Variants in CTNNA1 observed in about 807,000 individuals in gnomAD.
CTNNA1 encodes catenin alpha 1.
A neutral mutation model predicts 98.4 loss-of-function variants in CTNNA1; 37 were observed. The ratio of observed to expected loss-of-function variants is 0.38; its 90% CI spans 0.29 to 0.49. The LOEUF (loss-of-function observed/expected upper bound fraction) is 0.49, where lower values mean the gene tolerates loss of function less well. CTNNA1 is among the 20% of genes least tolerant of loss of function. The probability of loss-of-function intolerance (pLI) is 0.95; values close to 1 mark genes in which losing one functional copy is unlikely to be tolerated. For synonymous variants in CTNNA1, 404 were observed against 413.2 expected (o/e 0.98, Z 0.27); for missense variants, 761 against 1,147.2 (o/e 0.66, Z 4.86).
At chr5:138,839,506 T>G (rs962858333) in intron 7 of CTNNA1, among the ~76,000 whole-genome samples, 1 of 152,192 alleles carries the variant, frequency 6.6e-6, no homozygotes, top group African/African-American at 2.4e-5. Flanking sequence ...TGGCCTGTAT[T>G]CTGTTATTGT....
At chr5:138,832,675 T>A (rs930574475) in intron 7 of CTNNA1, among the ~76,000 whole-genome samples, 2 of 152,222 alleles carry the variant, frequency 1.3e-5, no homozygotes, top group Non-Finnish European at 2.9e-5. Context: ...GTTTTTTTCT[T>A]TTCTTCTTCT....
intron 3 of CTNNA1, among the ~76,000 whole-genome samples, chr5:138,809,610 T>G (rs1561546721): frequency 6.6e-6 from 1 of 152,224 alleles, no homozygotes; most frequent in Non-Finnish European, 1.5e-5. Context: ...GGATGATTAA[T>G]GAAGTGTGGT....
chr5:138,874,526 G>T lies in CTNNA1; in HGVS notation c.1063-11686G>T. 6.3e-7 allele frequency: 1 copy of T among 1,586,728 alleles called. No individual in the cohort carries two copies. Among genetic ancestry groups the T allele is most frequent in the Non-Finnish European group, 8.6e-7 (1 of 1,163,548 alleles). On this transcript the variant is annotated intron_variant, in intron 7 of 17. Transcript: ENST00000302763. The surrounding 1 kb of genome is among the most constrained non-coding windows in gnomAD (Gnocchi z 4.1). The stretch of plus-strand genomic sequence containing the variant: ...CATTGCATATATTGCTGCCAGCATA[G>T]GGGCCCCTAATGGCCACTTGAAATG...
At chr5:138,889,353 A>G (rs551309574) in intron 9 of CTNNA1, among the ~76,000 whole-genome samples, 26 of 152,284 alleles carry the variant, frequency 1.7e-4, no homozygotes. Flanking sequence ...CCTACTGTGT[A>G]TCAGCTATGT....
intron 1 of CTNNA1, among the ~76,000 whole-genome samples, chr5:138,775,550 G>T (rs1051677502): frequency 2.6e-5 from 4 of 152,010 alleles, no homozygotes; most frequent in Non-Finnish European, 1.5e-5. Context: ...ACAGTATAAT[G>T]ATGAAAATTC....
At chr5:138,872,846 T>C (rs1200551378) in intron 7 of CTNNA1, 2 of 515,548 alleles carry the variant, frequency 3.9e-6, no homozygotes, top group Non-Finnish European at 6.7e-6. Flanking sequence ...AAATATGGTT[T>C]CATTTAAAAA....
At chr5:138,771,741 A>G (rs1228229335) in intron 1 of CTNNA1, among the ~76,000 whole-genome samples, 2 of 152,186 alleles carry the variant, frequency 1.3e-5, no homozygotes, top group Non-Finnish European at 2.9e-5. Flanking sequence ...GAGGTTCCAA[A>G]GGCTGTGTTA....
rs1230839022 is a variant in CTNNA1 at position 138,811,020 on chromosome 5, A to T, written c.468+816A>T. Among the ~76,000 whole-genome samples the T allele has an allele frequency of 1.5e-3, 210 of 139,012 alleles. 1 individual carries two copies. Among genetic ancestry groups the T allele is most frequent in the African/African-American group, 5.4e-3 (194 of 36,174 alleles). The allele number at this position is 139,012 out of a possible 152,430, so 91.2% of individuals were successfully genotyped here. A position where few individuals can be genotyped will look rare whatever the true frequency, so the allele number is the denominator to read the frequency against. On this transcript the variant is annotated intron_variant, in intron 4 of 17. Coordinates refer to ENST00000302763, the MANE Select transcript of CTNNA1 (RefSeq NM_001903.5). Reference sequence around the variant, plus strand: ...GGGGCGGCTGGCCTGGCGGGGGCTGACCCCCACCTCCCTCCCGGACGGGGT... The same window carrying T: ...GGGGCGGCTGGCCTGGCGGGGGCTGTCCCCCACCTCCCTCCCGGACGGGGT...
chr5:138,824,259 AG>A (rs1186177189), intron 5 of CTNNA1, among the ~76,000 whole-genome samples: 1 of 152,120 alleles, frequency 6.6e-6, no homozygotes, highest in Non-Finnish European at 1.5e-5. Context: ...CTTAGCCCTG[AG>A]GGTTTAAAAT....
intron 9 of CTNNA1, among the ~76,000 whole-genome samples, chr5:138,893,466 A>C (rs1422916470): frequency 6.6e-6 from 1 of 151,894 alleles, no homozygotes; most frequent in African/African-American, 2.4e-5. Flanking sequence ...GTTCTGTCCT[A>C]TCAGGATTCC....
chr5:138,837,568 TTCTCCTC>T (rs1204227719), intron 7 of CTNNA1, among the ~76,000 whole-genome samples: 4 of 134,786 alleles, frequency 3.0e-5, no homozygotes, highest in Non-Finnish European at 4.8e-5. Flanking sequence ...TTCTCTTCTC[TTCTCCTC>T]TCTCCTCTCT....
At chr5:138,797,771 C>G (rs182833086) in intron 3 of CTNNA1, among the ~76,000 whole-genome samples, 30 of 151,890 alleles carry the variant, frequency 2.0e-4, no homozygotes, top group Admixed American at 1.8e-3. Flanking sequence ...GGATGTGACA[C>G]TGTAAATGGG....
intron 7 of CTNNA1, among the ~76,000 whole-genome samples, chr5:138,851,054 T>C (rs1561592249): frequency 6.6e-6 from 1 of 152,210 alleles, no homozygotes; most frequent in Non-Finnish European, 1.5e-5. Flanking sequence ...ATTTATTGCC[T>C]TGTGCCAGCT....
intron 5 of CTNNA1, among the ~76,000 whole-genome samples, chr5:138,815,723 G>T (rs1442671938): frequency 6.6e-6 from 1 of 151,504 alleles, no homozygotes; most frequent in Non-Finnish European, 1.5e-5. Flanking sequence ...ATACGTATTC[G>T]CATTTTCTTG....
chr5:138,933,882 C>T lies in CTNNA1; in HGVS notation c.2514C>T (p.Val838=), dbSNP rs371058611. Residue 838 remains valine (V), a synonymous_variant, in exon 18 of 18, where the codon GTC becomes GTT. Transcript: ENST00000302763. The part of the protein sequence containing the change: ...AVVQTVKASY[V]ASTKYQKSQG... Reference sequence around the variant, plus strand: ...TGCAGACAGTGAAGGCATCCTACGTCGCCTCTACCAAATACCAAAAGTCAC... The same window carrying T: ...TGCAGACAGTGAAGGCATCCTACGTTGCCTCTACCAAATACCAAAAGTCAC... 9.7e-5 allele frequency: 157 copies of T among 1,614,156 alleles called. No homozygotes were observed. In the African/African-American group the frequency reaches 1.9e-3, roughly 19 times the overall value.
chr5:138,847,004 A>T (rs543824789), intron 7 of CTNNA1, among the ~76,000 whole-genome samples: 1 of 152,166 alleles, frequency 6.6e-6, no homozygotes, highest in Non-Finnish European at 1.5e-5. Flanking sequence ...ACATGTTTGG[A>T]TTATTATTTG....
intron 3 of CTNNA1, among the ~76,000 whole-genome samples, chr5:138,786,306 A>G (rs187190785): frequency 2.6e-5 from 4 of 152,350 alleles, no homozygotes; most frequent in Admixed American, 2.6e-4. Context: ...GAGAATCTTA[A>G]CAAATGGTGA....
At chr5:138,902,608 A>G (rs1269277088) in intron 9 of CTNNA1, among the ~76,000 whole-genome samples, 4 of 152,036 alleles carry the variant, frequency 2.6e-5, no homozygotes, top group Non-Finnish European at 1.5e-5. Context: ...TTTAGTAGAG[A>G]CGGGGTTTCA....
intron 3 of CTNNA1, among the ~76,000 whole-genome samples, chr5:138,809,727 GAT>G (rs1758476180): frequency 6.6e-6 from 1 of 151,566 alleles, no homozygotes; most frequent in African/African-American, 2.4e-5. Flanking sequence ...CTTTTTTTTG[GAT>G]ACATATAATG....
Sources: gnomAD v4.1 joint callset for allele counts (sites outside exome capture counted in the v4.1 genomes callset) on GRCh38, gnomAD v4.1.1 for gene constraint, Gnocchi (gnomAD v3.1) non-coding constraint, MANE v1.5 for transcripts, NCBI Gene and HGNC (gene_info 2026-07-23, HGNC 2026-07-21) for gene names.